DCC: variants seen among roughly 807,000 people sequenced by gnomAD.
The protein encoded by DCC is DCC netrin 1 receptor.
In DCC, 58 loss-of-function variants were observed where a neutral mutation model predicts 172.5. The observed-to-expected ratio is 0.34, with a 90% CI of 0.27 to 0.42. The LOEUF (loss-of-function observed/expected upper bound fraction) is 0.42. Among genes scored for constraint, DCC ranks in the 10% least tolerant of loss-of-function variants. The pLI is 1.00. For missense variants in DCC, 1,740 were observed against 1,791.0 expected (o/e 0.97, Z 0.51); for synonymous variants, 709 against 644.5 (o/e 1.10, Z -1.52).
At chr18:53,010,180 A>G (rs1478459556) in intron 5 of DCC, among the ~76,000 whole-genome samples, 1 of 151,888 alleles carries the variant, frequency 6.6e-6, no homozygotes, top group Admixed American at 6.6e-5. Flanking sequence ...TCTGAAGCAA[A>G]ATACCCTGTC....
intron 7 of DCC, among the ~76,000 whole-genome samples, chr18:53,144,434 T>G (rs1179712212): frequency 2.6e-5 from 4 of 152,134 alleles, no homozygotes; most frequent in Non-Finnish European, 1.5e-5. Flanking sequence ...GCAATCATGA[T>G]GGAAGAGCAC....
At chr18:52,963,134 A>G (rs2040871260) in intron 5 of DCC, among the ~76,000 whole-genome samples, 1 of 151,822 alleles carries the variant, frequency 6.6e-6, no homozygotes, top group South Asian at 2.1e-4. Context: ...AAAAAAGTGA[A>G]TTAAGACTCC....
chr18:53,352,992 T>C (rs2057830454), intron 15 of DCC, among the ~76,000 whole-genome samples: 2 of 152,214 alleles, frequency 1.3e-5, no homozygotes, highest in Non-Finnish European at 2.9e-5. Context: ...ACTATACCAC[T>C]TAATAATACA....
At chr18:52,541,881 A>ATATATATATATG (rs2032466191) in intron 1 of DCC, among the ~76,000 whole-genome samples, 1 of 133,084 alleles carries the variant, frequency 7.5e-6, no homozygotes, top group Non-Finnish European at 1.6e-5. Context: ...GTGTGTATAT[A>ATATATATATATG]TATATATATA....
At chr18:53,213,012 A>C (rs2055782537) in intron 11 of DCC, among the ~76,000 whole-genome samples, 1 of 152,172 alleles carries the variant, frequency 6.6e-6, no homozygotes, top group Non-Finnish European at 1.5e-5. Context: ...CCTGATGCTT[A>C]TAAAATTGTG....
At chr18:52,396,284 C>G (rs887882258) in intron 1 of DCC, among the ~76,000 whole-genome samples, 8 of 122,838 alleles carry the variant, frequency 6.5e-5, no homozygotes, top group South Asian at 3.0e-4. Context: ...GCACCACACC[C>G]CCCCCCCACC....
chr18:52,721,198 A>G (rs569968137), intron 1 of DCC, among the ~76,000 whole-genome samples: 10 of 152,232 alleles, frequency 6.6e-5, no homozygotes, highest in Non-Finnish European at 1.5e-4. Context: ...TGAAATCAAC[A>G]GGACCGTATG....
chr18:52,374,935 C>T (rs974141074), intron 1 of DCC, among the ~76,000 whole-genome samples: 3 of 152,140 alleles, frequency 2.0e-5, no homozygotes, highest in Non-Finnish European at 4.4e-5. Flanking sequence ...ATATTGATTT[C>T]CCAGCCATTG....
intron 1 of DCC, among the ~76,000 whole-genome samples, chr18:52,511,632 G>A (rs939943212): frequency 4.1e-4 from 63 of 152,256 alleles, no homozygotes; most frequent in Middle Eastern, 6.8e-3. Context: ...GCACAAGACA[G>A]CCCCCATAAT....
chr18:53,529,379 T>G (rs1467425842), intron 28 of DCC, among the ~76,000 whole-genome samples: 2 of 152,182 alleles, frequency 1.3e-5, no homozygotes, highest in Non-Finnish European at 2.9e-5. Context: ...TCTTGGCCTA[T>G]GCAGAGCTAG....
intron 1 of DCC, among the ~76,000 whole-genome samples, chr18:52,549,409 C>T (rs554880785): frequency 6.6e-6 from 1 of 152,138 alleles, no homozygotes; most frequent in Non-Finnish European, 1.5e-5. Context: ...TGTCTGGACA[C>T]TTACCTTATA....
At chr18:53,323,264 T>C (rs1437218675) in intron 14 of DCC, among the ~76,000 whole-genome samples, 2 of 152,184 alleles carry the variant, frequency 1.3e-5, no homozygotes, top group Non-Finnish European at 2.9e-5. Context: ...TCTTTCTCCT[T>C]TGTCTTCCTC....
At chr18:52,451,743 A>G (rs1239689428) in intron 1 of DCC, among the ~76,000 whole-genome samples, 1 of 152,058 alleles carries the variant, frequency 6.6e-6, no homozygotes, top group African/African-American at 2.4e-5. Flanking sequence ...AAAAGGTATA[A>G]GTGGTCAAGA....
chr18:52,559,337 T>G (rs533193049), intron 1 of DCC, among the ~76,000 whole-genome samples: 1 of 152,310 alleles, frequency 6.6e-6, no homozygotes, highest in South Asian at 2.1e-4. Context: ...GGTCTCGATC[T>G]CCTAACCTTG....
chr18:52,743,434 G>A (rs1022520569), intron 1 of DCC, among the ~76,000 whole-genome samples: 9 of 152,082 alleles, frequency 5.9e-5, no homozygotes, highest in Admixed American at 6.6e-5. Context: ...TAACCTACAT[G>A]TCCGGAAATG....
chr18:53,445,678 C>A (rs1166378066), intron 22 of DCC, among the ~76,000 whole-genome samples: 1 of 151,882 alleles, frequency 6.6e-6, no homozygotes, highest in Non-Finnish European at 1.5e-5. Context: ...CTTCAATGAA[C>A]CAATTTTTTA....
At chr18:53,289,951 G>A (rs1257128549) in intron 12 of DCC, among the ~76,000 whole-genome samples, 1 of 152,114 alleles carries the variant, frequency 6.6e-6, no homozygotes, top group Non-Finnish European at 1.5e-5. Context: ...CTTGAGGAGA[G>A]GGAATGAAAA....
At chr18:53,399,408 CATGATATAG>C (rs1420760059) in intron 18 of DCC, among the ~76,000 whole-genome samples, 1 of 152,050 alleles carries the variant, frequency 6.6e-6, no homozygotes, top group Admixed American at 6.6e-5. Flanking sequence ...ACCAAGCTTT[CATGATATAG>C]AGGAGAGCTT....
chr18:53,395,009 TG>T (rs576906496), intron 17 of DCC, among the ~76,000 whole-genome samples: 22 of 104,240 alleles, frequency 2.1e-4, no homozygotes, highest in African/African-American at 8.1e-4. Flanking sequence ...CTGGGCGTGG[TG>T]GGGGGGCGGG....
Sources: gnomAD v4.1 joint callset for allele counts (sites outside exome capture counted in the v4.1 genomes callset) on GRCh38, gnomAD v4.1.1 for gene constraint, MANE v1.5 for transcripts, NCBI Gene and HGNC (gene_info 2026-07-23, HGNC 2026-07-21) for gene names.